The following FGD4 variants were observed in gnomAD, a reference collection of about 807,000 sequenced individuals.
FGD4 encodes FYVE, RhoGEF and PH domain-containing protein 4.
In FGD4, 42 loss-of-function variants were observed where a neutral mutation model predicts 102.0. That is an observed-to-expected ratio of 0.41 (90% CI 0.32 to 0.53). FGD4 has a LOEUF of 0.53. Among genes scored for constraint, FGD4 ranks in the 20% least tolerant of loss-of-function variants. FGD4 has a pLI of 0.21. For synonymous variants in FGD4, 380 were observed against 375.7 expected, an observed-to-expected ratio of 1.01 and a Z score of -0.13; for missense variants, 902 against 1,078.2, an observed-to-expected ratio of 0.84 and a Z score of 2.29.
chr12:32,572,865 A>G (rs950548559), intron 2 of FGD4, among the ~76,000 whole-genome samples: 3 of 152,202 alleles, frequency 2.0e-5, no homozygotes, highest in Non-Finnish European at 4.4e-5. Context: ...AGCTGGACCT[A>G]TCAATTAAAC....
intron 11 of FGD4, among the ~76,000 whole-genome samples, chr12:32,620,693 ATTTTTT>A (rs1208809588): frequency 1.0e-5 from 1 of 97,094 alleles, no homozygotes. Flanking sequence ...CACCTGGCTA[ATTTTTT>A]TTTTTTTTTT....
At chr12:32,518,051 G>T (rs1312105690) in intron 1 of FGD4, among the ~76,000 whole-genome samples, 1 of 147,040 alleles carries the variant, frequency 6.8e-6, no homozygotes. Context: ...GCATATTTAT[G>T]TCAGCTTTAT....
chr12:32,516,774 G>T (rs1939941111), intron 1 of FGD4, among the ~76,000 whole-genome samples: 1 of 152,088 alleles, frequency 6.6e-6, no homozygotes, highest in African/African-American at 2.4e-5. Flanking sequence ...TAAATGATAA[G>T]AATAAAAATT....
intron 8 of FGD4, among the ~76,000 whole-genome samples, 161 bp from the exon 9 acceptor site, chr12:32,610,615 C>T (rs574593448): frequency 1.3e-5 from 2 of 152,318 alleles, no homozygotes; most frequent in South Asian, 4.1e-4. Context: ...AATCTGCTTA[C>T]AAATGAACTT....
At chr12:32,521,170 C>G (rs939862574) in intron 1 of FGD4, among the ~76,000 whole-genome samples, 1 of 151,842 alleles carries the variant, frequency 6.6e-6, no homozygotes, top group African/African-American at 2.4e-5. Context: ...GGGTGGATCA[C>G]GAGGTCAGGA....
intron 7 of FGD4, among the ~76,000 whole-genome samples, chr12:32,603,675 G>A (rs549897525): frequency 2.6e-5 from 4 of 151,652 alleles, no homozygotes; most frequent in East Asian, 1.9e-4. Flanking sequence ...GTGAGCCACC[G>A]CGCCTGGCCT....
chr12:32,534,182 A>G (rs1942039579), intron 1 of FGD4: 3 of 632,276 alleles, frequency 4.7e-6, no homozygotes, highest in Non-Finnish European at 6.4e-6. Flanking sequence ...TGTTTACTTT[A>G]CTTTGATAAA....
chr12:32,403,381 G>C (rs942590360), intron 1 of FGD4, among the ~76,000 whole-genome samples: 1 of 152,110 alleles, frequency 6.6e-6, no homozygotes, highest in Non-Finnish European at 1.5e-5. Context: ...CTCTTCCATA[G>C]CTAGCTGTGT....
chr12:32,617,567 C>A (rs2136849916), intron 10 of FGD4, among the ~76,000 whole-genome samples: 1 of 152,288 alleles, frequency 6.6e-6, no homozygotes, highest in Non-Finnish European at 1.5e-5. Context: ...TTAATCACAA[C>A]CTAGGACTTC....
At chr12:32,563,721 G>A (rs1295017847) in intron 1 of FGD4, among the ~76,000 whole-genome samples, 1 of 152,216 alleles carries the variant, frequency 6.6e-6, no homozygotes, top group Non-Finnish European at 1.5e-5. Context: ...ATTGAGCACT[G>A]AGTGAACCAG....
intron 1 of FGD4, among the ~76,000 whole-genome samples, chr12:32,422,247 G>A (rs1211806277): frequency 7.2e-6 from 1 of 139,484 alleles, no homozygotes; most frequent in Non-Finnish European, 1.5e-5. Context: ...TCTAAAATGT[G>A]CATTTTTTTT....
chr12:32,461,714 T>A (rs2136496650), intron 1 of FGD4, among the ~76,000 whole-genome samples: 1 of 152,278 alleles, frequency 6.6e-6, no homozygotes, highest in South Asian at 2.1e-4. Flanking sequence ...TTTCTTTTCA[T>A]CTTTGCATCA....
intron 1 of FGD4, among the ~76,000 whole-genome samples, chr12:32,550,688 AAAAG>A (rs1565829402): frequency 2.0e-5 from 3 of 150,642 alleles, no homozygotes; most frequent in Admixed American, 1.3e-4. Flanking sequence ...AAAAAAAAAA[AAAAG>A]AAAGAGACAA....
chr12:32,589,716 CTG>C (rs1396291190), intron 4 of FGD4, among the ~76,000 whole-genome samples: 1 of 152,150 alleles, frequency 6.6e-6, no homozygotes, highest in Non-Finnish European at 1.5e-5. Flanking sequence ...TGTGCAACCT[CTG>C]TTTCCCCCTC....
Position 32,619,832 on chromosome 12 carries a change from G to A in FGD4, c.1884G>A (p.Gln628=). 1 of 1,614,066 alleles carries A rather than the reference G, an allele frequency of 6.2e-7. No homozygotes were observed. Among genetic ancestry groups the A allele is most frequent in the Non-Finnish European group, 8.5e-7 (1 of 1,179,970 alleles). The change falls in exon 11 of 17, where the codon CAG becomes CAA. Residue 628 remains glutamine (Q), a synonymous_variant. Coordinates refer to ENST00000534526, the MANE Select transcript of FGD4 (RefSeq NM_001370298.3). The part of the protein sequence containing the change: ...TQNEEYPHTF[Q]VSGKERTLEL... ...ATGAAGAATATCCACATACTTTCCAGGTGTCTGGGAAAGAGAGAACACTGG... is the reference window on the plus strand; with the variant it reads ...ATGAAGAATATCCACATACTTTCCAAGTGTCTGGGAAAGAGAGAACACTGG...
chr12:32,453,122 A>C (rs911868387), intron 1 of FGD4, among the ~76,000 whole-genome samples: 9 of 149,064 alleles, frequency 6.0e-5, no homozygotes, highest in African/African-American at 2.2e-4. Flanking sequence ...AACACATCCA[A>C]ATAGTTTTAT....
chr12:32,477,382 T>C (rs1943609016), intron 1 of FGD4: 1 of 152,424 alleles, frequency 6.6e-6, no homozygotes, highest in African/African-American at 2.4e-5. Flanking sequence ...GAAATTTTAT[T>C]TTAATATGGA....
At chr12:32,635,554 C>T (rs2137042819) in intron 15 of FGD4, among the ~76,000 whole-genome samples, 1 of 152,172 alleles carries the variant, frequency 6.6e-6, no homozygotes, top group South Asian at 2.1e-4. Context: ...TGCCCTAGAA[C>T]AGTGATCAAC....
intron 1 of FGD4, among the ~76,000 whole-genome samples, chr12:32,408,668 G>A (rs985822323): frequency 6.6e-6 from 1 of 152,004 alleles, no homozygotes; most frequent in Non-Finnish European, 1.5e-5. Flanking sequence ...TTCTCACCCC[G>A]TCCTCACCAC....
Sources: allele counts gnomAD v4.1 joint callset (sites outside exome capture counted in the v4.1 genomes callset), GRCh38; gene constraint gnomAD v4.1.1; transcripts MANE v1.5; gene names NCBI Gene and HGNC (gene_info 2026-07-23, HGNC 2026-07-21).